Variants in NPR1 observed in about 807,000 individuals in gnomAD.
The protein encoded by NPR1 is atrial natriuretic peptide receptor 1.
A neutral mutation model predicts 116.9 loss-of-function variants in NPR1; 57 were observed. The ratio of observed to expected loss-of-function variants is 0.49; its 90% confidence interval spans 0.39 to 0.61. The LOEUF (loss-of-function observed/expected upper bound fraction) is 0.61, where lower values mean the gene tolerates loss of function less well. Among genes scored for constraint, NPR1 ranks in the 20% least tolerant of loss-of-function variants. NPR1 has a pLI of 0.00. For synonymous variants in NPR1, 555 were observed against 601.6 expected, an observed-to-expected ratio of 0.92 and a Z score of 1.13; for missense variants, 1,096 against 1,409.8, an observed-to-expected ratio of 0.78 and a Z score of 3.56.
At position 153,678,822 on chromosome 1, in the gene NPR1, G is replaced by A; in HGVS notation, c.-287G>A. 2 of 427,158 alleles carry A rather than the reference G, an allele frequency of 4.7e-6. No homozygotes were observed. The highest frequency in any genetic ancestry group is 5.2e-5 in the South Asian group (1 of 19,118). The allele number at this position is 427,158 out of a possible 1,614,324, so 26.5% of individuals were successfully genotyped here. ...CTCTCTCTCTCTCTCTCTCTAACACGCACGCACACTCCCAGTTGTTCACAC... is the reference window on the plus strand; with the variant it reads ...CTCTCTCTCTCTCTCTCTCTAACACACACGCACACTCCCAGTTGTTCACAC... On this transcript the variant is annotated 5_prime_UTR_variant, in exon 1 of 22. Coordinates refer to ENST00000368680, the MANE Select transcript of NPR1 (RefSeq NM_000906.4). The surrounding 1 kb of genome is among the most constrained non-coding windows in gnomAD (Gnocchi z 5.8).
chr1:153,681,573 C>T (rs1669782982), intron 3 of NPR1, 131 bp from the exon 4 acceptor site: 1 of 943,252 alleles, frequency 1.1e-6, no homozygotes, highest in Non-Finnish European at 1.6e-6. Context: ...GTAAAATCTC[C>T]CTGTGATATA....
Position 153,689,581 on chromosome 1 carries a change from T to G in NPR1, c.2757+60T>G. On this transcript the variant is annotated intron_variant, in intron 18 of 21. Transcript: ENST00000368680. This position sits in a 1 kb window ranked among gnomAD's most constrained non-coding sequence, Gnocchi z 5.1. ...AGACATGGACAAGGTCAGAAAAAGA[T>G]GAGGGGTAGGCAGAATGATGTGGAG... The G allele has an allele frequency of 2.7e-6, 4 of 1,508,574 alleles. No individual in the cohort carries two copies. The highest frequency in any genetic ancestry group is 3.7e-6 in the Non-Finnish European group (4 of 1,085,688). 93.4% of individuals were successfully genotyped at this position (1,508,574 alleles called of 1,614,324 possible).
rs1670014550 is a variant in NPR1 at position 153,689,036 on chromosome 1, G to A, written c.2501G>A (p.Arg834Gln). ...AATCTGGAGGAACTGGTGGAGGAGC[G>A]GACCCAGGCATACCTGGAGGAGAAG... ...ANNLEELVEE[R>Q]TQAYLEEKRK... The change falls in exon 16 of 22, where the codon CGG becomes CAG. Residue 834 changes from arginine to glutamine, a missense_variant. Transcript: ENST00000368680. This position sits in a 1 kb window ranked among gnomAD's most constrained non-coding sequence, Gnocchi z 5.1. 5.6e-6 allele frequency: 9 copies of A among 1,614,222 alleles called. No homozygotes were observed. In the Middle Eastern group the frequency reaches 4.9e-4, roughly 89 times the overall value.
chr1:153,689,033 A>G lies in NPR1; in HGVS notation c.2498A>G (p.Glu833Gly), dbSNP rs1192205695. Residue 833 changes from glutamate (E) to glycine (G), a missense_variant, in exon 16 of 22, where the codon GAG becomes GGG. Physicochemically the swap from Glu to Gly is moderately conservative, Grantham distance 98 (BLOSUM62 -2). Transcript: ENST00000368680. This position sits in a 1 kb window ranked among gnomAD's most constrained non-coding sequence, Gnocchi z 5.1. ...AACAATCTGGAGGAACTGGTGGAGG[A>G]GCGGACCCAGGCATACCTGGAGGAG... is the stretch of plus-strand genomic sequence containing the variant. ...YANNLEELVE[E>G]RTQAYLEEKR... 1 of 1,614,172 alleles carries G rather than the reference A, an allele frequency of 6.2e-7. No homozygotes were observed. The highest frequency in any genetic ancestry group is 1.7e-5 in the Admixed American group (1 of 60,028).
At chr1:153,680,228 A>C (rs950244916) in intron 1 of NPR1, among the ~76,000 whole-genome samples, 6 of 80,198 alleles carry the variant, frequency 7.5e-5, no homozygotes, top group Admixed American at 1.6e-4. Context: ...ATCCTTCTCC[A>C]CCTTCAGCTC....
Position 153,679,153 on chromosome 1 carries a change from C to T in NPR1, c.45C>T (p.Leu15=), listed in dbSNP as rs1305335517. 92 of 1,494,924 alleles carry T rather than the reference C, an allele frequency of 6.2e-5. No individual in the cohort carries two copies. Among genetic ancestry groups the T allele is most frequent in the Non-Finnish European group, 8.0e-5 (90 of 1,129,500 alleles). The allele number at this position is 1,494,924 out of a possible 1,614,324, so 92.6% of individuals were successfully genotyped here. ...RRPAGSRLRL[L]LLLLLPPLLL... ...CCGCTGGCTCCCGCCTGCGCCTGCTCCTGCTCCTGCTGCTGCCGCCGCTGC... is the reference window on the plus strand; with the variant it reads ...CCGCTGGCTCCCGCCTGCGCCTGCTTCTGCTCCTGCTGCTGCCGCCGCTGC... Residue 15 remains leucine (L), a synonymous_variant, in exon 1 of 22, where the codon CTC becomes CTT. Coordinates refer to ENST00000368680, the MANE Select transcript of NPR1 (RefSeq NM_000906.4). The surrounding 1 kb of genome is among the most constrained non-coding windows in gnomAD (Gnocchi z 4.2).
At chr1:153,684,453 A>G (rs1571347872) in intron 7 of NPR1, among the ~76,000 whole-genome samples, 2 of 129,288 alleles carry the variant, frequency 1.5e-5, no homozygotes, top group Admixed American at 2.0e-4. Flanking sequence ...GTGCAGTGGC[A>G]TGATCTAGGC....
intron 5 of NPR1, 60 bp downstream of exon 5, chr1:153,682,649 C>G (rs1207839011): frequency 8.0e-7 from 1 of 1,249,656 alleles, no homozygotes; most frequent in Non-Finnish European, 1.2e-6. Flanking sequence ...CCTCCTACTT[C>G]CCCCCCACAG....
rs535875084 is a variant in NPR1, at chr1:153,689,788, C to A, written c.2758-18C>A. The A allele has an allele frequency of 9.2e-6, 14 of 1,521,722 alleles. No individual in the cohort carries two copies. The African/African-American group carries it at 1.4e-4, about 15-fold the overall frequency. 94.3% of individuals were successfully genotyped at this position (1,521,722 alleles called of 1,614,324 possible). A position where few individuals can be genotyped will look rare whatever the true frequency, so the allele number is the denominator to read the frequency against. ...AGTTGCAGCCGTCAAGTCCTGCACCCCCTCGCCACTCCCACAGGTGGAGAC... is the reference window on the plus strand; with the variant it reads ...AGTTGCAGCCGTCAAGTCCTGCACCACCTCGCCACTCCCACAGGTGGAGAC... On this transcript the variant is annotated intron_variant, in intron 18 of 21. Coordinates refer to ENST00000368680, the MANE Select transcript of NPR1 (RefSeq NM_000906.4). The surrounding 1 kb of genome is among the most constrained non-coding windows in gnomAD (Gnocchi z 5.1).
intron 8 of NPR1, 121 bp from the exon 9 acceptor site, chr1:153,685,685 A>G (rs1669906334): frequency 1.3e-6 from 1 of 773,240 alleles, no homozygotes; most frequent in Non-Finnish European, 2.2e-6. Context: ...CAACAACAAA[A>G]AGGAAGGGTG....
chr1:153,690,191 TCCTG>T, intron 19 of NPR1, 89 bp from the exon 20 acceptor site: 5 of 865,188 alleles, frequency 5.8e-6, no homozygotes, highest in Non-Finnish European at 8.7e-6. Context: ...AGATCCTGCC[TCCTG>T]CCTGTCTTGG....
At position 153,679,237 on chromosome 1, in the gene NPR1, G is replaced by A. The variant is rs1454478564; in HGVS notation, c.129G>A (p.Leu43=). 6.5e-6 allele frequency: 10 copies of A among 1,528,008 alleles called. No individual in the cohort carries two copies. Among genetic ancestry groups the A allele is most frequent in the African/African-American group, 1.4e-5 (1 of 70,738 alleles). The allele number at this position is 1,528,008 out of a possible 1,614,324, so 94.7% of individuals were successfully genotyped here. ...TGACGGTAGCCGTGGTACTGCCGCT[G>A]GCCAATACCTCGTACCCCTGGTCGT... is the stretch of plus-strand genomic sequence containing the variant. ...GNLTVAVVLP[L]ANTSYPWSWA... is the part of the protein sequence containing the mutation. Residue 43 remains leucine (L), a synonymous_variant, in exon 1 of 22, where the codon CTG becomes CTA. Transcript: ENST00000368680. The surrounding 1 kb of genome is among the most constrained non-coding windows in gnomAD (Gnocchi z 4.2).
intron 14 of NPR1, 46 bp downstream of exon 14, chr1:153,687,835 AC>A: frequency 6.5e-7 from 1 of 1,533,546 alleles, no homozygotes; most frequent in Non-Finnish European, 8.8e-7. Flanking sequence ...GTCTCAACGA[AC>A]CCCAGCCCCA....
chr1:153,681,712 C>T lies in NPR1; in HGVS notation c.1044C>T (p.Thr348=), dbSNP rs774569496. 1 of 1,613,936 alleles carries T rather than the reference C, an allele frequency of 6.2e-7. No individual in the cohort carries two copies. Among genetic ancestry groups the T allele is most frequent in the African/African-American group, 1.3e-5 (1 of 75,022 alleles). ...NFTMEDGLVN[T]IPASFHDGLL... is the part of the protein sequence containing the mutation. ...TCTGTTTGCCCCTACAGGTGAACACCATCCCAGCATCCTTCCACGACGGGC... is the reference window on the plus strand; with the variant it reads ...TCTGTTTGCCCCTACAGGTGAACACTATCCCAGCATCCTTCCACGACGGGC... Residue 348 remains threonine (T), a synonymous_variant, in exon 4 of 22, where the codon ACC becomes ACT. Transcript: ENST00000368680.
At chr1:153,692,008 G>A (rs1670122312) in intron 20 of NPR1, among the ~76,000 whole-genome samples, 1 of 152,100 alleles carries the variant, frequency 6.6e-6, no homozygotes, top group African/African-American at 2.4e-5. Flanking sequence ...GTCAAAGAGA[G>A]GGTGTGGCAA....
At chr1:153,681,865 G>T (rs759707019) in intron 4 of NPR1, 26 bp downstream of exon 4, 1 of 1,611,072 alleles carries the variant, frequency 6.2e-7, no homozygotes, top group East Asian at 2.2e-5. Context: ...TGGCTGGAAT[G>T]GGCTGCCTTG....
chr1:153,693,415 C>T lies in NPR1; in HGVS notation c.*1C>T. ...GAGGGGGAGTAGCACCCGAGGCTGACCTGCCTCCTCTCCTATCCCTCCACA... is the reference window on the plus strand; with the variant it reads ...GAGGGGGAGTAGCACCCGAGGCTGATCTGCCTCCTCTCCTATCCCTCCACA... On this transcript the variant is annotated 3_prime_UTR_variant, in exon 22 of 22. Coordinates refer to ENST00000368680, the MANE Select transcript of NPR1 (RefSeq NM_000906.4). 2 of 1,603,510 alleles carry T rather than the reference C, an allele frequency of 1.2e-6. No homozygotes were observed. The highest frequency in any genetic ancestry group is 1.1e-5 in the South Asian group (1 of 90,094).
At position 153,685,002 on chromosome 1, in the gene NPR1, G is replaced by A. The variant is rs753075162; in HGVS notation, c.1523G>A (p.Trp508Ter). The stretch of plus-strand genomic sequence containing the variant: ...GAGAAGGAACTGGCCTCGGAGCTGT[G>A]GCGGGTGCGCTGGGAGGACGTTGAG... The part of the protein sequence containing the change: ...QLEKELASEL[W>*]RVRWEDVEPS... Residue 508 changes from tryptophan (W) to a stop codon, truncating the protein, a stop_gained, in exon 8 of 22, where the codon TGG becomes TAG. Coordinates refer to ENST00000368680, the MANE Select transcript of NPR1 (RefSeq NM_000906.4). LOFTEE classifies it high-confidence loss of function. 1.2e-6 allele frequency: 2 copies of A among 1,613,972 alleles called. No individual in the cohort carries two copies. Among genetic ancestry groups the A allele is most frequent in the African/African-American group, 1.3e-5 (1 of 74,922 alleles).
chr1:153,681,905 G>C (rs1271592894), intron 4 of NPR1, 66 bp downstream of exon 4: 1 of 1,577,934 alleles, frequency 6.3e-7, no homozygotes, highest in African/African-American at 1.3e-5. Context: ...CCAGTGTCAA[G>C]CCATGAGAAG....
Sources: allele counts gnomAD v4.1 joint callset (sites outside exome capture counted in the v4.1 genomes callset), GRCh38; gene constraint gnomAD v4.1.1; non-coding constraint Gnocchi (gnomAD v3.1); transcripts MANE v1.5; gene names NCBI Gene and HGNC (gene_info 2026-07-23, HGNC 2026-07-21).